The following SSH2 variants were observed in gnomAD, a reference collection of about 807,000 sequenced individuals.
SSH2 encodes slingshot protein phosphatase 2.
SSH2 carries 37 observed loss-of-function variants against 135.2 expected under a neutral mutation model. That is an observed-to-expected ratio of 0.27 (90% CI 0.21 to 0.36). The LOEUF is 0.36. SSH2 is among the 10% of genes least tolerant of loss of function. The pLI, the probability that SSH2 is intolerant of heterozygous loss-of-function variation, is 1.00. For synonymous variants in SSH2, 628 were observed against 646.2 expected, an observed-to-expected ratio of 0.97 and a Z score of 0.43; for missense variants, 1,408 against 1,765.3, an observed-to-expected ratio of 0.80 and a Z score of 3.63.
rs185919225 is a variant in SSH2, at chr17:29,767,716, A to G, written c.188+26178T>C. 9.8e-4 allele frequency among the ~76,000 whole-genome samples: 149 copies of G among 152,030 alleles called. 2 individuals carry two copies. In the Middle Eastern group the frequency reaches 0.01, roughly 10 times the overall value. ...ATCACTATACCTTAGACATTTTTCC[A>G]TGTTATTGTAAGTCTCCCTCATTCT... On this transcript the variant is annotated intron_variant, in intron 3 of 15. Transcript: ENST00000540801.
rs1358401998 is a variant in SSH2, at chr17:29,629,230, G to T, written c.*1611C>A. ...TAGCAAAACGACAGCATCCTAAATG[G>T]AGTCACTGTGGGCACTTGCCCCTGG... On this transcript the variant is annotated 3_prime_UTR_variant, in exon 16 of 16. Transcript: ENST00000540801. 2 of 152,674 alleles carry T rather than the reference G, an allele frequency of 1.3e-5. No individual in the cohort carries two copies. The highest frequency in any genetic ancestry group is 1.3e-4 in the Admixed American group (2 of 15,288). 9.5% of individuals were successfully genotyped at this position (152,674 alleles called of 1,614,324 possible).
At chr17:29,778,032 A>AG (rs1464916447) in intron 3 of SSH2, among the ~76,000 whole-genome samples, 24 of 151,212 alleles carry the variant, frequency 1.6e-4, no homozygotes, top group Non-Finnish European at 2.9e-5. Context: ...TTCCCCTACT[A>AG]GAAAAAAAAA....
At chr17:29,888,073 C>G (rs1007698585) in intron 1 of SSH2, among the ~76,000 whole-genome samples, 13 of 151,984 alleles carry the variant, frequency 8.6e-5, no homozygotes, top group Non-Finnish European at 1.3e-4. Context: ...CTCATTTCTA[C>G]AAAAAAATTT....
intron 3 of SSH2, among the ~76,000 whole-genome samples, chr17:29,744,114 G>T (rs1034969217): frequency 6.6e-6 from 1 of 152,094 alleles, no homozygotes; most frequent in African/African-American, 2.4e-5. Context: ...AGGGCAGTGG[G>T]AATGTTTCTC....
intron 3 of SSH2, among the ~76,000 whole-genome samples, chr17:29,758,891 G>A (rs917319307): frequency 6.6e-6 from 1 of 152,014 alleles, no homozygotes; most frequent in African/African-American, 2.4e-5. Flanking sequence ...TGGGACTACA[G>A]GTGTGTAACA....
chr17:29,648,437 C>G (rs576464925), intron 13 of SSH2, 93 bp from the exon 14 acceptor site: 2 of 1,001,116 alleles, frequency 2.0e-6, no homozygotes, highest in Non-Finnish European at 2.9e-6. Flanking sequence ...GTGTCCTGTC[C>G]TGCTCTTCCA....
chr17:29,649,776 T>A (rs1053134943), intron 13 of SSH2, among the ~76,000 whole-genome samples: 2 of 152,172 alleles, frequency 1.3e-5, no homozygotes, highest in South Asian at 2.1e-4. Context: ...TTACTGGGAA[T>A]AATTTATTAA....
intron 3 of SSH2, among the ~76,000 whole-genome samples, chr17:29,718,066 T>C (rs930414047): frequency 1.3e-5 from 2 of 152,198 alleles, no homozygotes; most frequent in Non-Finnish European, 2.9e-5. Flanking sequence ...TGTAATTCAC[T>C]TTCCAACACA....
At chr17:29,782,822 G>A (rs2041869306) in intron 3 of SSH2, among the ~76,000 whole-genome samples, 1 of 151,274 alleles carries the variant, frequency 6.6e-6, no homozygotes, top group African/African-American at 2.4e-5. Flanking sequence ...CTGACCTCAG[G>A]TGATCTGCCC....
chr17:29,783,880 A>C (rs930920266), intron 3 of SSH2, among the ~76,000 whole-genome samples: 1 of 149,178 alleles, frequency 6.7e-6, no homozygotes, highest in African/African-American at 2.5e-5. Context: ...TCCCGGCTAA[A>C]ACGGTGAAAC....
At chr17:29,761,429 G>A in intron 3 of SSH2, 1 of 1,009,924 alleles carries the variant, frequency 9.9e-7, no homozygotes, top group Non-Finnish European at 1.2e-6. Context: ...GTAGAGTCCG[G>A]ACTGACGGGC....
chr17:29,903,870 A>G (rs2066605574), intron 1 of SSH2, among the ~76,000 whole-genome samples: 1 of 152,226 alleles, frequency 6.6e-6, no homozygotes, highest in Non-Finnish European at 1.5e-5. Context: ...CAGAAAAAGG[A>G]GCTCCAAAGA....
chr17:29,769,867 G>A (rs2041530686), intron 3 of SSH2, among the ~76,000 whole-genome samples: 1 of 152,050 alleles, frequency 6.6e-6, no homozygotes, highest in Non-Finnish European at 1.5e-5. Flanking sequence ...CAAAATGAAT[G>A]AGTTAAATAA....
At chr17:29,737,251 T>C (rs529269523) in intron 3 of SSH2, among the ~76,000 whole-genome samples, 2 of 152,198 alleles carry the variant, frequency 1.3e-5, no homozygotes, top group South Asian at 4.1e-4. Flanking sequence ...TTACATAAAA[T>C]GTCTACACTT....
At chr17:29,889,203 T>C (rs912936731) in intron 1 of SSH2, among the ~76,000 whole-genome samples, 1 of 152,092 alleles carries the variant, frequency 6.6e-6, no homozygotes, top group South Asian at 2.1e-4. Context: ...TCCCAGCACT[T>C]TGGGGGGCCA....
chr17:29,714,862 CTTT>C (rs1219168963), intron 3 of SSH2, among the ~76,000 whole-genome samples: 1 of 151,898 alleles, frequency 6.6e-6, no homozygotes, highest in East Asian at 1.9e-4. Context: ...TTTTTTCTTT[CTTT>C]TTTTCTTTTT....
chr17:29,632,897 A>T lies in SSH2; in HGVS notation c.2297T>A (p.Met766Lys). Residue 766 changes from methionine to lysine, a missense_variant, in exon 16 of 16, where the codon ATG becomes AAG. Met to Lys is a moderately conservative substitution (Grantham distance 95). Around this residue, in one of 3 missense-constraint regions of SSH2, gnomAD observed 1,080 missense variants for 1,144.5 expected, o/e 0.94. Transcript: ENST00000540801. ...AATTGCATTTTCCGAGTGAGACTGC[A>T]TGAAGATGTCTGGGCTGACCAGTTC... ...ISELVSPDIF[M>K]QSHSENAISV... 1 of 1,613,546 alleles carries T rather than the reference A, an allele frequency of 6.2e-7. No homozygotes were observed. Among genetic ancestry groups the T allele is most frequent in the East Asian group, 2.2e-5 (1 of 44,890 alleles).
At chr17:29,867,531 G>C (rs565411573) in intron 1 of SSH2, among the ~76,000 whole-genome samples, 2 of 152,182 alleles carry the variant, frequency 1.3e-5, no homozygotes, top group Non-Finnish European at 2.9e-5. Context: ...CAAAGAGGTG[G>C]AGTTCTGTTA....
chr17:29,657,479 G>C (rs1258618523), intron 11 of SSH2, among the ~76,000 whole-genome samples: 2 of 150,470 alleles, frequency 1.3e-5, no homozygotes, highest in African/African-American at 4.9e-5. Context: ...ATGTTGGTCA[G>C]GCTGGTCTCA....
Sources: gnomAD v4.1 joint callset for allele counts (sites outside exome capture counted in the v4.1 genomes callset) on GRCh38, gnomAD v4.1.1 for gene constraint, gnomAD v4.1.1 regional missense constraint, MANE v1.5 for transcripts, NCBI Gene and HGNC (gene_info 2026-07-23, HGNC 2026-07-21) for gene names.